The following ITPRID1 variants were observed in gnomAD, a reference collection of about 807,000 sequenced individuals.
ITPRID1 encodes ITPR interacting domain containing 1.
Under a neutral mutation model 95.4 loss-of-function variants are expected in ITPRID1, and 96 were observed. The observed-to-expected ratio is 1.01, with a 90% CI of 0.85 to 1.19. The LOEUF is 1.19. ITPRID1 is among the 50% of genes most tolerant of loss of function. The probability of loss-of-function intolerance (pLI) is 0.00; values close to 1 mark genes in which losing one functional copy is unlikely to be tolerated. For missense variants in ITPRID1, 1,339 were observed against 1,252.9 expected (o/e 1.07, Z -1.04); for synonymous variants, 510 against 453.6 (o/e 1.12, Z -1.58).
chr7:31,616,278 T>TA (rs1191738749), intron 10 of ITPRID1, among the ~76,000 whole-genome samples: 1 of 152,192 alleles, frequency 6.6e-6, no homozygotes, highest in Non-Finnish European at 1.5e-5. Context: ...TTTCTCTCTC[T>TA]AAAAAATTAT....
At chr7:31,625,687 G>A (rs1788394106) in intron 10 of ITPRID1, among the ~76,000 whole-genome samples, 1 of 152,014 alleles carries the variant, frequency 6.6e-6, no homozygotes. Flanking sequence ...ACGAGTTAGT[G>A]GGTGCAGCGC....
At chr7:31,523,469 T>C (rs1783331221) in intron 1 of ITPRID1, among the ~76,000 whole-genome samples, 1 of 152,218 alleles carries the variant, frequency 6.6e-6, no homozygotes, top group African/African-American at 2.4e-5. Context: ...AGATATCCAA[T>C]AGTAATCCAT....
Position 31,578,031 on chromosome 7 carries a change from T to A in ITPRID1, c.767T>A (p.Leu256His). ...GAGCATCGAAGAAGAATGGGTAAAC[T>A]CTTAAGGAGAGCTTCCAAACAGAAC... ...AKEHRRRMGK[L>H]LRRASKQNIR... The change falls in exon 9 of 15, where the codon CTC becomes CAC. Residue 256 changes from leucine to histidine, a missense_variant. Leu to His is a moderately conservative substitution (Grantham distance 99, BLOSUM62 -3). Transcript: ENST00000615280. 1 of 1,613,744 alleles carries A rather than the reference T, an allele frequency of 6.2e-7. No individual in the cohort carries two copies. The highest frequency in any genetic ancestry group is 8.5e-7 in the Non-Finnish European group (1 of 1,179,842).
rs200603213 is a variant in ITPRID1, at chr7:31,648,860, G to C, written c.2584-2282G>C. 3.9e-5 allele frequency among the ~76,000 whole-genome samples: 6 copies of C among 152,316 alleles called. 1 individual carries two copies. The East Asian group carries it at 1.2e-3, about 29-fold the overall frequency. On this transcript the variant is annotated intron_variant, in intron 12 of 14. Transcript: ENST00000615280. ...ACTCAGATCTTAGAAGAAAAGAAAT[G>C]AAACAAGAGATGGGTTCGAAATCTT...
intron 1 of ITPRID1, among the ~76,000 whole-genome samples, chr7:31,547,443 A>C (rs1784136030): frequency 1.7e-5 from 2 of 117,386 alleles, no homozygotes; most frequent in Admixed American, 1.7e-4. Flanking sequence ...AGCAAGGAGA[A>C]GTGCAGAGCA....
At chr7:31,516,766 G>A (rs777201647) in intron 1 of ITPRID1, among the ~76,000 whole-genome samples, 24 of 152,086 alleles carry the variant, frequency 1.6e-4, no homozygotes, top group Non-Finnish European at 3.4e-4. Context: ...GACAAGATGT[G>A]ACTGGTACCA....
At chr7:31,548,540 G>A (rs1784175038) in intron 1 of ITPRID1, among the ~76,000 whole-genome samples, 1 of 152,158 alleles carries the variant, frequency 6.6e-6, no homozygotes, top group East Asian at 1.9e-4. Context: ...GAAGAGGTTA[G>A]AATGAAGGGG....
At chr7:31,515,845 C>T (rs1283155958) in intron 1 of ITPRID1, among the ~76,000 whole-genome samples, 11 of 152,228 alleles carry the variant, frequency 7.2e-5, no homozygotes, top group Middle Eastern at 3.4e-3. Context: ...AGAATGAGAA[C>T]AAGAGAATGA....
At chr7:31,593,704 C>T (rs995449188) in intron 10 of ITPRID1, among the ~76,000 whole-genome samples, 5 of 152,066 alleles carry the variant, frequency 3.3e-5, no homozygotes, top group African/African-American at 1.2e-4. Context: ...GTATTTATTC[C>T]ATTTCTGTAA....
intron 10 of ITPRID1, among the ~76,000 whole-genome samples, chr7:31,639,194 C>T (rs1789772829): frequency 6.6e-6 from 1 of 152,186 alleles, no homozygotes; most frequent in African/African-American, 2.4e-5. Context: ...GCTTTCCCTC[C>T]TCTTTGGGAT....
intron 10 of ITPRID1, among the ~76,000 whole-genome samples, chr7:31,614,692 TAGAGTG>T (rs1468443798): frequency 6.6e-6 from 1 of 152,156 alleles, no homozygotes; most frequent in Non-Finnish European, 1.5e-5. Context: ...AATGGGTTAG[TAGAGTG>T]TAGAGCGTTG....
intron 1 of ITPRID1, among the ~76,000 whole-genome samples, chr7:31,547,739 G>A (rs1784147538): frequency 6.6e-6 from 1 of 152,042 alleles, no homozygotes; most frequent in Admixed American, 6.6e-5. Flanking sequence ...CCTGAATAGT[G>A]GCCCTGTTTA....
intron 5 of ITPRID1, among the ~76,000 whole-genome samples, chr7:31,557,331 C>T (rs189164783): frequency 5.7e-4 from 87 of 152,192 alleles, no homozygotes; most frequent in Non-Finnish European, 9.1e-4. Flanking sequence ...TGACCCAGTG[C>T]TTCCCACAGA....
chr7:31,657,583 A>G (rs905793976), downstream of ITPRID1, among the ~76,000 whole-genome samples: 2 of 152,194 alleles, frequency 1.3e-5, no homozygotes, highest in Non-Finnish European at 2.9e-5. Flanking sequence ...CCACTTGCCC[A>G]CTGCCAAGAA....
intron 10 of ITPRID1, among the ~76,000 whole-genome samples, chr7:31,594,024 G>T (rs1382031607): frequency 6.6e-6 from 1 of 152,168 alleles, no homozygotes; most frequent in Non-Finnish European, 1.5e-5. Context: ...AAATAACGAT[G>T]CTTTGGTTAA....
chr7:31,598,635 C>T (rs1786208095), intron 10 of ITPRID1, among the ~76,000 whole-genome samples: 1 of 151,962 alleles, frequency 6.6e-6, no homozygotes, highest in Admixed American at 6.6e-5. Context: ...TATCTCCTGA[C>T]CTCGTGATCC....
chr7:31,574,568 A>T lies in ITPRID1; in HGVS notation c.424A>T (p.Ile142Leu), dbSNP rs200366088. The change falls in exon 8 of 15, where the codon ATA (isoleucine) becomes TTA (leucine). Residue 142 changes from isoleucine (I) to leucine (L), a missense_variant. Ile to Leu is a conservative substitution (Grantham distance 5). Transcript: ENST00000615280. The stretch of plus-strand genomic sequence containing the variant: ...TCCTGAATGGCTGGAATTTTGGGAG[A>T]TAGATCCAGTGGAGATTCTCTTGGA... The part of the protein sequence containing the change: ...SIPEWLEFWE[I>L]DPVEILLDLG... 23 of 1,613,684 alleles carry T rather than the reference A, an allele frequency of 1.4e-5. No individual in the cohort carries two copies. In the East Asian group the frequency reaches 5.1e-4, roughly 36 times the overall value.
At position 31,553,444 on chromosome 7, in the gene ITPRID1, C is replaced by A. The variant is rs28539294; in HGVS notation, c.163+257C>A. ...TGCTTCCTTTCCACTCCAAACATCCCTCATCCTAAGTTCCCAGGACTTTGA... is the reference window on the plus strand; with the variant it reads ...TGCTTCCTTTCCACTCCAAACATCCATCATCCTAAGTTCCCAGGACTTTGA... On this transcript the variant is annotated intron_variant, in intron 3 of 14. Transcript: ENST00000615280. Among the ~76,000 whole-genome samples, 13 of 152,290 alleles carry A rather than the reference C, an allele frequency of 8.5e-5. 1 individual carries two copies. The highest frequency in any genetic ancestry group is 6.8e-3 in the Middle Eastern group (2 of 294).
intron 10 of ITPRID1, among the ~76,000 whole-genome samples, chr7:31,627,047 T>C (rs1240451758): frequency 6.6e-6 from 1 of 152,252 alleles, no homozygotes; most frequent in Admixed American, 6.5e-5. Flanking sequence ...TTCTGGAGTA[T>C]TTCTTATTAC....
Sources: gnomAD v4.1 joint callset for allele counts (sites outside exome capture counted in the v4.1 genomes callset) on GRCh38, gnomAD v4.1.1 for gene constraint, MANE v1.5 for transcripts, NCBI Gene and HGNC (gene_info 2026-07-23, HGNC 2026-07-21) for gene names.